DCAF10: variants seen among roughly 807,000 people sequenced by gnomAD.
The protein encoded by DCAF10 is DDB1- and CUL4-associated factor 10.
Under a neutral mutation model 51.9 loss-of-function variants are expected in DCAF10, and 19 were observed. That is an observed-to-expected ratio of 0.37 (90% CI 0.26 to 0.54). The LOEUF (loss-of-function observed/expected upper bound fraction) is 0.54. DCAF10 is among the 20% of genes least tolerant of loss of function. DCAF10 has a pLI of 0.87. For synonymous variants in DCAF10, 291 were observed against 297.1 expected (o/e 0.98, Z 0.21); for missense variants, 510 against 730.6 (o/e 0.70, Z 3.48).
intron 1 of DCAF10, among the ~76,000 whole-genome samples, chr9:37,815,883 TC>T (rs148659193): frequency 0.02 from 2,989 of 152,178 alleles, 100 homozygotes; most frequent in African/African-American, 0.068. Context: ...AGCCTCAACC[TC>T]CCTGACTCAG....
chr9:37,825,978 T>A (rs1250479362), intron 2 of DCAF10, among the ~76,000 whole-genome samples: 1 of 150,988 alleles, frequency 6.6e-6, no homozygotes, highest in East Asian at 1.9e-4. Flanking sequence ...GCGGCTGTAG[T>A]GAGCCGAGAT....
Position 37,801,435 on chromosome 9 carries a change from C to A in DCAF10, c.539+30C>A. On this transcript the variant is annotated intron_variant, in intron 1 of 6. Coordinates refer to ENST00000377724, the MANE Select transcript of DCAF10 (RefSeq NM_024345.5). This position sits in a 1 kb window ranked among gnomAD's most constrained non-coding sequence, Gnocchi z 5.5. ...GCGCGGCCCCTCGGAGGGCGGGCGCCCGCCTCCGCCCGGCTCTGCTGCCAG... is the reference window on the plus strand; with the variant it reads ...GCGCGGCCCCTCGGAGGGCGGGCGCACGCCTCCGCCCGGCTCTGCTGCCAG... 7.1e-7 allele frequency: 1 copy of A among 1,408,622 alleles called. No individual in the cohort carries two copies. The highest frequency in any genetic ancestry group is 1.6e-5 in the South Asian group (1 of 60,776). The allele number at this position is 1,408,622 out of a possible 1,614,324, so 87.3% of individuals were successfully genotyped here. A position where few individuals can be genotyped will look rare whatever the true frequency, so the allele number is the denominator to read the frequency against.
intron 3 of DCAF10, among the ~76,000 whole-genome samples, chr9:37,843,206 G>A (rs1005358441): frequency 2.0e-5 from 3 of 152,026 alleles, no homozygotes; most frequent in Admixed American, 1.3e-4. Context: ...TTGTAGAGAC[G>A]GGGTCTCGCT....
At chr9:37,803,367 ATTAACATTTTTCATTAGT>A (rs1315599990) in intron 1 of DCAF10, among the ~76,000 whole-genome samples, 12 of 152,120 alleles carry the variant, frequency 7.9e-5, no homozygotes, top group Non-Finnish European at 1.6e-4. Context: ...TTTCTACAAC[ATTAACATTTTTCATTAGT>A]TTAAATAAAA....
At chr9:37,843,418 A>G (rs1426660646) in intron 3 of DCAF10, among the ~76,000 whole-genome samples, 1 of 152,202 alleles carries the variant, frequency 6.6e-6, no homozygotes, top group Non-Finnish European at 1.5e-5. Flanking sequence ...GGCAAAAACT[A>G]TTGGTTATCT....
intron 2 of DCAF10, among the ~76,000 whole-genome samples, chr9:37,827,568 TAAGA>T (rs150485611): frequency 2.4e-3 from 367 of 152,216 alleles, no homozygotes; most frequent in African/African-American, 8.2e-3. Context: ...GTTGAGCTGA[TAAGA>T]AAGACAGGAA....
At chr9:37,807,660 T>G (rs1324745582) in intron 1 of DCAF10, among the ~76,000 whole-genome samples, 1 of 7,866 alleles carries the variant, frequency 1.3e-4, no homozygotes, top group African/African-American at 2.8e-4. Flanking sequence ...TTTCTTTTCT[T>G]TTTTTTTTTT....
chr9:37,824,614 TAGAA>T (rs1564031905), intron 2 of DCAF10, among the ~76,000 whole-genome samples: 2 of 150,422 alleles, frequency 1.3e-5, no homozygotes, highest in Admixed American at 6.6e-5. Flanking sequence ...AAATGAGAAG[TAGAA>T]AGAGTTCCAA....
At chr9:37,840,617 A>G (rs1470341017) in intron 2 of DCAF10, among the ~76,000 whole-genome samples, 1 of 152,254 alleles carries the variant, frequency 6.6e-6, no homozygotes, top group Non-Finnish European at 1.5e-5. Flanking sequence ...TTAAAAATTC[A>G]TGAAGTAAAA....
chr9:37,867,387 G>A lies in DCAF10; in HGVS notation c.*5879G>A, dbSNP rs190978616. On this transcript the variant is annotated 3_prime_UTR_variant, in exon 7 of 7. Transcript: ENST00000377724. The stretch of plus-strand genomic sequence containing the variant: ...ATTTCATGGTTTTTACATAAAGGGT[G>A]AATATTTGAATTTTCTTTTAAATTT... 2 of 152,148 alleles carry A rather than the reference G, an allele frequency of 1.3e-5. No individual in the cohort carries two copies. The highest frequency in any genetic ancestry group is 2.9e-5 in the Non-Finnish European group (2 of 68,002). The allele number at this position is 152,148 out of a possible 1,614,324, so 9.4% of individuals were successfully genotyped here.
intron 2 of DCAF10, among the ~76,000 whole-genome samples, chr9:37,836,845 C>T (rs1471198392): frequency 6.6e-6 from 1 of 151,846 alleles, no homozygotes; most frequent in East Asian, 1.9e-4. Flanking sequence ...TTGCTATTTA[C>T]CTTTGTGCAG....
At chr9:37,821,444 A>G (rs960654201) in intron 2 of DCAF10, among the ~76,000 whole-genome samples, 1 of 152,226 alleles carries the variant, frequency 6.6e-6, no homozygotes, top group Non-Finnish European at 1.5e-5. Flanking sequence ...ACTCTTAGAA[A>G]TTAAAAATGT....
chr9:37,846,677 A>T (rs894873296), intron 3 of DCAF10, among the ~76,000 whole-genome samples: 22 of 151,930 alleles, frequency 1.4e-4, no homozygotes, highest in African/African-American at 5.3e-4. Context: ...GGCTGGTCTC[A>T]AACTCCTGAC....
chr9:37,820,103 A>ATATTACTTTTATAAT (rs1456272380), intron 2 of DCAF10, among the ~76,000 whole-genome samples: 1 of 152,226 alleles, frequency 6.6e-6, no homozygotes, highest in African/African-American at 2.4e-5. Context: ...TAATGAGATT[A>ATATTACTTTTATAAT]TATTACTTTT....
At chr9:37,807,265 T>G (rs758065783) in intron 1 of DCAF10, among the ~76,000 whole-genome samples, 3 of 152,164 alleles carry the variant, frequency 2.0e-5, no homozygotes, top group Non-Finnish European at 4.4e-5. Context: ...GAGGATTGCT[T>G]GAGCTCGAGT....
Position 37,800,911 on chromosome 9 carries a change from C to T in DCAF10, c.45C>T (p.Ala15=), listed in dbSNP as rs1217121133. 8.7e-6 allele frequency: 13 copies of T among 1,495,612 alleles called. No individual in the cohort carries two copies. Among genetic ancestry groups the T allele is most frequent in the East Asian group, 2.5e-5 (1 of 39,892 alleles). The allele number at this position is 1,495,612 out of a possible 1,614,324, so 92.6% of individuals were successfully genotyped here. A position where few individuals can be genotyped will look rare whatever the true frequency, so the allele number is the denominator to read the frequency against. The change falls in exon 1 of 7, where the codon GCC becomes GCT. Residue 15 remains alanine (A), a synonymous_variant. Coordinates refer to ENST00000377724, the MANE Select transcript of DCAF10 (RefSeq NM_024345.5). ...GPHSPGGDGS[A]GAGAEEPTPH... Reference sequence around the variant, plus strand: ...ATAGCCCTGGAGGGGACGGATCGGCCGGAGCCGGGGCTGAGGAGCCGACGC... The same window carrying T: ...ATAGCCCTGGAGGGGACGGATCGGCTGGAGCCGGGGCTGAGGAGCCGACGC...
intron 3 of DCAF10, among the ~76,000 whole-genome samples, chr9:37,848,328 A>C (rs1830534637): frequency 6.6e-6 from 1 of 152,252 alleles, no homozygotes; most frequent in African/African-American, 2.4e-5. Flanking sequence ...AATATCCAGC[A>C]AGTGGTAAAT....
At chr9:37,815,693 T>C (rs1829504611) in intron 1 of DCAF10, among the ~76,000 whole-genome samples, 1 of 152,028 alleles carries the variant, frequency 6.6e-6, no homozygotes, top group Non-Finnish European at 1.5e-5. Context: ...TTTTAGATGG[T>C]ATTATTATCA....
At chr9:37,847,301 A>G (rs894553508) in intron 3 of DCAF10, among the ~76,000 whole-genome samples, 3 of 136,052 alleles carry the variant, frequency 2.2e-5, no homozygotes, top group Non-Finnish European at 4.6e-5. Flanking sequence ...AAATATTCCT[A>G]AAAAAAAAAA....
Sources: allele counts gnomAD v4.1 joint callset (sites outside exome capture counted in the v4.1 genomes callset), GRCh38; gene constraint gnomAD v4.1.1; non-coding constraint Gnocchi (gnomAD v3.1); transcripts MANE v1.5; gene names NCBI Gene and HGNC (gene_info 2026-07-23, HGNC 2026-07-21).